Variants in FAM135B observed in about 807,000 individuals in gnomAD.
The protein encoded by FAM135B is family with sequence similarity 135 member B.
Under a neutral mutation model 127.7 loss-of-function variants are expected in FAM135B, and 43 were observed. The observed-to-expected ratio is 0.34, with a 90% CI of 0.26 to 0.43. The LOEUF is 0.43. FAM135B is among the 20% of genes least tolerant of loss of function. FAM135B has a pLI of 1.00. For synonymous variants in FAM135B, 670 were observed against 665.1 expected, an observed-to-expected ratio of 1.01 and a Z score of -0.11; for missense variants, 1,558 against 1,725.6, an observed-to-expected ratio of 0.90 and a Z score of 1.72.
intron 1 of FAM135B, among the ~76,000 whole-genome samples, chr8:138,411,894 C>G (rs1481165103): frequency 6.6e-6 from 1 of 152,104 alleles, no homozygotes; most frequent in Non-Finnish European, 1.5e-5. Flanking sequence ...CATAAAGAAA[C>G]AAAATCATGT....
At chr8:138,406,304 A>T (rs534968833) in intron 1 of FAM135B, among the ~76,000 whole-genome samples, 2 of 152,282 alleles carry the variant, frequency 1.3e-5, no homozygotes, top group East Asian at 3.9e-4. Flanking sequence ...GAGCAGATGG[A>T]TTCACAGCTG....
intron 7 of FAM135B, among the ~76,000 whole-genome samples, chr8:138,207,224 T>C (rs1203335807): frequency 1.3e-5 from 2 of 151,546 alleles, no homozygotes; most frequent in South Asian, 4.2e-4. Flanking sequence ...TACTTTTTTT[T>C]TTTTTTTTTT....
intron 1 of FAM135B, among the ~76,000 whole-genome samples, chr8:138,455,996 C>T (rs1229060977): frequency 1.3e-5 from 2 of 152,156 alleles, no homozygotes; most frequent in East Asian, 3.9e-4. Context: ...TTCTGTCTCT[C>T]AAATGGGAAA....
chr8:138,203,798 C>A (rs1301827835), intron 7 of FAM135B, among the ~76,000 whole-genome samples: 1 of 152,114 alleles, frequency 6.6e-6, no homozygotes, highest in Non-Finnish European at 1.5e-5. Flanking sequence ...ATATACGATT[C>A]ACCATAATGT....
chr8:138,277,895 G>A (rs1192217583), intron 3 of FAM135B, among the ~76,000 whole-genome samples: 2 of 152,124 alleles, frequency 1.3e-5, no homozygotes, highest in African/African-American at 4.8e-5. Flanking sequence ...GACCTTGCAG[G>A]ATAAGTAGAC....
chr8:138,162,364 T>G (rs1819485901), intron 12 of FAM135B, among the ~76,000 whole-genome samples: 1 of 151,810 alleles, frequency 6.6e-6, no homozygotes, highest in South Asian at 2.1e-4. Context: ...ACTATAAGAG[T>G]GGATGCACGT....
rs1372315923 is a variant in FAM135B at position 138,139,003 on chromosome 8, T to C, written c.3884A>G (p.Gln1295Arg). Residue 1295 changes from glutamine (Q) to arginine (R), a missense_variant, in exon 18 of 20, where the codon CAA (glutamine) becomes CGA (arginine). Coordinates refer to ENST00000395297, the MANE Select transcript of FAM135B (RefSeq NM_015912.4). ...NADLRKCFLY[Q>R]LSQKTGLQYF... is the part of the protein sequence containing the mutation. ...CCACTGACCTGTTTTTTGGCTTAGT[T>C]GGTAGAGGAAACATTTGCGCAAATC... 6.2e-7 allele frequency: 1 copy of C among 1,612,556 alleles called. No homozygotes were observed. The highest frequency in any genetic ancestry group is 2.2e-5 in the East Asian group (1 of 44,864).
intron 2 of FAM135B, among the ~76,000 whole-genome samples, chr8:138,312,155 C>T (rs1334219793): frequency 6.6e-6 from 1 of 152,148 alleles, no homozygotes; most frequent in African/African-American, 2.4e-5. Context: ...CCATGTTGGT[C>T]AGTCTGGTCT....
chr8:138,224,279 T>C (rs560677945), intron 7 of FAM135B, among the ~76,000 whole-genome samples: 2 of 152,266 alleles, frequency 1.3e-5, no homozygotes, highest in East Asian at 3.9e-4. Context: ...CAGCACTCTG[T>C]AGTTAGCACA....
At chr8:138,494,149 A>G (rs1219948734) in intron 1 of FAM135B, among the ~76,000 whole-genome samples, 1 of 152,264 alleles carries the variant, frequency 6.6e-6, no homozygotes, top group Non-Finnish European at 1.5e-5. Context: ...ACTTTGCCTC[A>G]GTGGGTTGAC....
intron 9 of FAM135B, among the ~76,000 whole-genome samples, chr8:138,181,187 G>T (rs1193139671): frequency 6.6e-6 from 1 of 152,106 alleles, no homozygotes; most frequent in Non-Finnish European, 1.5e-5. Context: ...GTTGCAGTGA[G>T]CCGAGATCGC....
chr8:138,372,032 G>A (rs1195375349), intron 1 of FAM135B, among the ~76,000 whole-genome samples: 2 of 152,258 alleles, frequency 1.3e-5, no homozygotes, highest in Admixed American at 6.5e-5. Flanking sequence ...GACGGCTCAG[G>A]AAGAGGGGGG....
At chr8:138,439,322 G>A (rs982684818) in intron 1 of FAM135B, 5 of 152,138 alleles carry the variant, frequency 3.3e-5, no homozygotes, top group African/African-American at 7.2e-5. Context: ...AATAAATGAC[G>A]TTCAAGATTA....
At chr8:138,472,549 C>G (rs758585349) in intron 1 of FAM135B, among the ~76,000 whole-genome samples, 40 of 151,982 alleles carry the variant, frequency 2.6e-4, no homozygotes, top group Non-Finnish European at 2.2e-4. Flanking sequence ...GGGAGGTAGA[C>G]AACGGAAGGA....
intron 1 of FAM135B, among the ~76,000 whole-genome samples, chr8:138,377,292 G>A (rs974163974): frequency 2.6e-5 from 4 of 152,200 alleles, no homozygotes; most frequent in African/African-American, 9.7e-5. Context: ...AGATGGGAAA[G>A]GCTCAGGAAG....
At chr8:138,245,392 G>C (rs751033787) in intron 6 of FAM135B, among the ~76,000 whole-genome samples, 1 of 152,150 alleles carries the variant, frequency 6.6e-6, no homozygotes, top group Non-Finnish European at 1.5e-5. Context: ...GATCCAGTGA[G>C]AGGTAATTGA....
At chr8:138,272,035 T>TATTC (rs907119238) in intron 3 of FAM135B, among the ~76,000 whole-genome samples, 5 of 152,122 alleles carry the variant, frequency 3.3e-5, no homozygotes, top group African/African-American at 9.7e-5. Context: ...TTAATTTGTT[T>TATTC]ATTCATTCAT....
At chr8:138,314,413 A>G (rs1826917653) in intron 2 of FAM135B, among the ~76,000 whole-genome samples, 1 of 152,096 alleles carries the variant, frequency 6.6e-6, no homozygotes. Context: ...AGGATATATA[A>G]AGAACTCTTG....
intron 2 of FAM135B, among the ~76,000 whole-genome samples, chr8:138,342,566 G>C (rs1234338132): frequency 1.3e-5 from 2 of 152,210 alleles, no homozygotes; most frequent in Non-Finnish European, 2.9e-5. Flanking sequence ...ACCCCTGGGA[G>C]AGAGGAGGAT....
Sources: gnomAD v4.1 joint callset for allele counts (sites outside exome capture counted in the v4.1 genomes callset) on GRCh38, gnomAD v4.1.1 for gene constraint, MANE v1.5 for transcripts, NCBI Gene and HGNC (gene_info 2026-07-23, HGNC 2026-07-21) for gene names.